PIK3AP1: variants seen among roughly 807,000 people sequenced by gnomAD.
The protein encoded by PIK3AP1 is phosphoinositide 3-kinase adapter protein 1.
A neutral mutation model predicts 88.1 loss-of-function variants in PIK3AP1; 21 were observed. The observed-to-expected ratio is 0.24, with a 90% confidence interval of 0.17 to 0.34. PIK3AP1 has a LOEUF of 0.34. Ranked by LOEUF, PIK3AP1 falls within the 10% of genes least tolerant of loss-of-function variation. The pLI, the probability that PIK3AP1 is intolerant of heterozygous loss-of-function variation, is 1.00. For missense variants in PIK3AP1, 828 were observed against 1,035.7 expected (o/e 0.80, Z 2.75); for synonymous variants, 398 against 400.0 (o/e 1.00, Z 0.06).
At chr10:96,606,254 T>C (rs1849000668) in intron 14 of PIK3AP1, among the ~76,000 whole-genome samples, 1 of 152,060 alleles carries the variant, frequency 6.6e-6, no homozygotes, top group African/African-American at 2.4e-5. Context: ...ACAAATGCTA[T>C]CAAAACCTCC....
At chr10:96,691,832 A>G (rs1475563934) in intron 2 of PIK3AP1, among the ~76,000 whole-genome samples, 2 of 152,238 alleles carry the variant, frequency 1.3e-5, no homozygotes, top group Non-Finnish European at 2.9e-5. Context: ...TAAATGTTTT[A>G]TAACATAAAA....
intron 2 of PIK3AP1, among the ~76,000 whole-genome samples, chr10:96,682,430 G>C (rs1844015911): frequency 6.6e-6 from 1 of 152,134 alleles, no homozygotes; most frequent in Admixed American, 6.6e-5. Context: ...TCAAACCAAT[G>C]ACACTGGCAC....
chr10:96,612,982 A>ATT (rs3979626), intron 13 of PIK3AP1, among the ~76,000 whole-genome samples: 1 of 34,800 alleles, frequency 2.9e-5, no homozygotes, highest in African/African-American at 1.2e-4. Context: ...ATATATATAT[A>ATT]TTTTTTTTTT....
At chr10:96,708,911 A>G (rs977517175) in intron 2 of PIK3AP1, among the ~76,000 whole-genome samples, 4 of 152,070 alleles carry the variant, frequency 2.6e-5, no homozygotes, top group Admixed American at 6.6e-5. Flanking sequence ...CGGGTGGATC[A>G]TTTGATATCA....
chr10:96,688,734 G>A (rs1844110054), intron 2 of PIK3AP1, among the ~76,000 whole-genome samples: 1 of 151,982 alleles, frequency 6.6e-6, no homozygotes, highest in Non-Finnish European at 1.5e-5. Context: ...GGAGGCGGAG[G>A]GTGCAGTGAG....
chr10:96,720,478 G>A lies in PIK3AP1; in HGVS notation c.-84C>T. The A allele has an allele frequency of 4.3e-6, 5 of 1,168,664 alleles. No homozygotes were observed. Among genetic ancestry groups the A allele is most frequent in the Non-Finnish European group, 5.3e-6 (5 of 938,576 alleles). The allele number at this position is 1,168,664 out of a possible 1,614,324, so 72.4% of individuals were successfully genotyped here. A position where few individuals can be genotyped will look rare whatever the true frequency, so the allele number is the denominator to read the frequency against. On this transcript the variant is annotated 5_prime_UTR_variant, in exon 1 of 17. Transcript: ENST00000339364. The surrounding 1 kb of genome is among the most constrained non-coding windows in gnomAD (Gnocchi z 4.6). ...CGGCGGCGTCCTGGCTCGGGCTGGA[G>A]GGGCGCCGGGCTCCGCGCGGGACCG...
intron 2 of PIK3AP1, among the ~76,000 whole-genome samples, chr10:96,708,017 T>C (rs1844387217): frequency 6.6e-6 from 1 of 152,168 alleles, no homozygotes; most frequent in Admixed American, 6.5e-5. Flanking sequence ...AGCCAATTCC[T>C]GGGATAAAAG....
chr10:96,628,863 CACATATATACACATATAT>C (rs1302423134), intron 8 of PIK3AP1, among the ~76,000 whole-genome samples: 3,450 of 15,502 alleles, frequency 0.22, 113 homozygotes, highest in Non-Finnish European at 0.45. Flanking sequence ...TATACACACA[CACATATATACACATATAT>C]ATATATACAT....
At position 96,668,034 on chromosome 10, in the gene PIK3AP1, T is replaced by A. The variant is rs78317994; in HGVS notation, c.431-11100A>T. On this transcript the variant is annotated intron_variant, in intron 2 of 16. Transcript: ENST00000339364. ...AGTGGCAAAGTTTCCTTTTAAAATA[T>A]ACTTACTTAGAAAATATGAATTGAC... Among the ~76,000 whole-genome samples the A allele has an allele frequency of 6.2e-3, 942 of 152,320 alleles. 5 individuals carry two copies. Among genetic ancestry groups the A allele is most frequent in the African/African-American group, 0.015 (612 of 41,570 alleles).
chr10:96,645,731 A>C, intron 7 of PIK3AP1, 69 bp from the exon 8 acceptor site: 2 of 1,395,758 alleles, frequency 1.4e-6, no homozygotes, highest in Non-Finnish European at 9.7e-7. Context: ...TTGGCCCCCG[A>C]AGGCACTTGT....
rs35761788 is a variant in PIK3AP1 at position 96,645,611 on chromosome 10, C to T, written c.1237G>A (p.Glu413Lys). The part of the protein sequence containing the change: ...SHIKEELMHG[E>K]EADAVYESMA... ...GACTCGTACACAGCATCAGCCTCCTCCCCGTGCATCAGTTCCTCTTTAATG... is the reference window on the plus strand; with the variant it reads ...GACTCGTACACAGCATCAGCCTCCTTCCCGTGCATCAGTTCCTCTTTAATG... The change falls in exon 8 of 17, where the codon GAG becomes AAG. Residue 413 changes from glutamate to lysine, a missense_variant. By Grantham distance (56) the Glu-to-Lys change is moderately conservative. Around this residue, in one of 3 missense-constraint regions of PIK3AP1, gnomAD observed 610 missense variants for 760.1 expected, o/e 0.80. Transcript: ENST00000339364. 1 of 1,611,602 alleles carries T rather than the reference C, an allele frequency of 6.2e-7. No homozygotes were observed. Among genetic ancestry groups the T allele is most frequent in the Non-Finnish European group, 8.5e-7 (1 of 1,178,916 alleles).
intron 13 of PIK3AP1, among the ~76,000 whole-genome samples, chr10:96,611,014 G>A (rs1332828997): frequency 3.3e-5 from 5 of 152,150 alleles, no homozygotes; most frequent in African/African-American, 9.7e-5. Flanking sequence ...GGGGACAGGC[G>A]TGGCAGGAAG....
At chr10:96,659,557 T>C (rs1192012767) in intron 2 of PIK3AP1, among the ~76,000 whole-genome samples, 1 of 152,020 alleles carries the variant, frequency 6.6e-6, no homozygotes, top group African/African-American at 2.4e-5. Context: ...AAGTGAGAAC[T>C]CTGTGCTAAG....
At chr10:96,617,817 A>G (rs1404399397) in intron 12 of PIK3AP1, among the ~76,000 whole-genome samples, 1 of 152,156 alleles carries the variant, frequency 6.6e-6, no homozygotes, top group African/African-American at 2.4e-5. Flanking sequence ...GGGAAAGGAA[A>G]GCGGCCTTGA....
chr10:96,689,298 C>T (rs1420903130), intron 2 of PIK3AP1, among the ~76,000 whole-genome samples: 2 of 151,948 alleles, frequency 1.3e-5, no homozygotes, highest in Non-Finnish European at 1.5e-5. Flanking sequence ...GGTGTGGTGG[C>T]TCACACCTGT....
At chr10:96,712,522 T>C (rs1227589847) in intron 1 of PIK3AP1, among the ~76,000 whole-genome samples, 1 of 152,238 alleles carries the variant, frequency 6.6e-6, no homozygotes, top group Non-Finnish European at 1.5e-5. Context: ...GAATATTTCT[T>C]TATACCTCAA....
intron 2 of PIK3AP1, among the ~76,000 whole-genome samples, chr10:96,683,321 C>T (rs1844026957): frequency 6.6e-6 from 1 of 152,174 alleles, no homozygotes; most frequent in African/African-American, 2.4e-5. Flanking sequence ...GAGTACGCCA[C>T]AGATAAAGAG....
At chr10:96,650,995 A>G (rs575208552) in intron 6 of PIK3AP1, among the ~76,000 whole-genome samples, 12 of 152,254 alleles carry the variant, frequency 7.9e-5, no homozygotes, top group Non-Finnish European at 1.3e-4. Flanking sequence ...CGCCAAACCA[A>G]TTTAAAATCA....
chr10:96,631,772 A>G (rs971917861), intron 8 of PIK3AP1, among the ~76,000 whole-genome samples: 19 of 152,112 alleles, frequency 1.2e-4, no homozygotes, highest in African/African-American at 4.3e-4. Flanking sequence ...ACTCCCAGCT[A>G]CTCAGGAGGC....
Sources: gnomAD v4.1 joint callset for allele counts (sites outside exome capture counted in the v4.1 genomes callset) on GRCh38, gnomAD v4.1.1 for gene constraint, gnomAD v4.1.1 regional missense constraint, Gnocchi (gnomAD v3.1) non-coding constraint, MANE v1.5 for transcripts, NCBI Gene and HGNC (gene_info 2026-07-23, HGNC 2026-07-21) for gene names.